The following RABGAP1L variants were observed in gnomAD, a reference collection of about 807,000 sequenced individuals.
The protein encoded by RABGAP1L is rab GTPase-activating protein 1-like.
In RABGAP1L, 63 loss-of-function variants were observed where a neutral mutation model predicts 137.7. The observed-to-expected ratio is 0.46, with a 90% CI of 0.37 to 0.56. The LOEUF (loss-of-function observed/expected upper bound fraction) is 0.56, where lower values mean the gene tolerates loss of function less well. Ranked by LOEUF, RABGAP1L falls within the 20% of genes least tolerant of loss-of-function variation. The probability of loss-of-function intolerance (pLI) is 0.00; values close to 1 mark genes in which losing one functional copy is unlikely to be tolerated. For synonymous variants in RABGAP1L, 431 were observed against 433.7 expected, an observed-to-expected ratio of 0.99 and a Z score of 0.08; for missense variants, 1,095 against 1,244.0, an observed-to-expected ratio of 0.88 and a Z score of 1.80.
intron 17 of RABGAP1L, among the ~76,000 whole-genome samples, chr1:174,738,279 T>G (rs1683117012): frequency 6.6e-6 from 1 of 152,162 alleles, no homozygotes; most frequent in Admixed American, 6.5e-5. Flanking sequence ...AGAAAGACAC[T>G]TCACTGGTTA....
At chr1:174,574,077 C>T (rs558741597) in intron 13 of RABGAP1L, among the ~76,000 whole-genome samples, 160 of 152,266 alleles carry the variant, frequency 1.1e-3, no homozygotes, top group Middle Eastern at 3.4e-3. Flanking sequence ...GCAGCCTTAT[C>T]GGGTCATTAC....
Position 174,620,943 on chromosome 1 carries a change from T to C in RABGAP1L, c.1711-16432T>C, listed in dbSNP as rs1010900098. On this transcript the variant is annotated intron_variant, in intron 13 of 25. Transcript: ENST00000681986. Reference sequence around the variant, plus strand: ...ATCAAATAGACGCAATAAAAAATGATAAAGGGGATATCACCACCGATCCCA... The same window carrying C: ...ATCAAATAGACGCAATAAAAAATGACAAAGGGGATATCACCACCGATCCCA... 1.7e-3 allele frequency among the ~76,000 whole-genome samples: 264 copies of C among 152,068 alleles called. 2 individuals carry two copies. Among genetic ancestry groups the C allele is most frequent in the Non-Finnish European group, 2.6e-3 (180 of 67,994 alleles).
Position 174,499,291 on chromosome 1 carries a change from T to C in RABGAP1L, c.1710+105146T>C, listed in dbSNP as rs564000586. On this transcript the variant is annotated intron_variant, in intron 13 of 25. Coordinates refer to ENST00000681986, the MANE Select transcript of RABGAP1L (RefSeq NM_001366446.1). ...TAAGTTATTTTATGTGGATTAATTT[T>C]AAAATTAATAGCATAGTAGAAAGAT... Among the ~76,000 whole-genome samples, 7 of 152,322 alleles carry C rather than the reference T, an allele frequency of 4.6e-5. No individual in the cohort carries two copies. The South Asian group carries it at 1.5e-3, about 32-fold the overall frequency.
chr1:174,296,116 C>T (rs1677107845), intron 10 of RABGAP1L, among the ~76,000 whole-genome samples: 1 of 152,044 alleles, frequency 6.6e-6, no homozygotes, highest in South Asian at 2.1e-4. Context: ...TCAGGAAAGG[C>T]AAGAGAGGAA....
chr1:174,360,449 T>C (rs1305070283), intron 11 of RABGAP1L, among the ~76,000 whole-genome samples: 2 of 152,194 alleles, frequency 1.3e-5, no homozygotes, highest in African/African-American at 4.8e-5. Context: ...ATCTGTATAG[T>C]CATAAAAGTT....
At chr1:174,988,571 T>C in intron 24 of RABGAP1L, 70 bp from the exon 25 acceptor site, 1 of 1,303,670 alleles carries the variant, frequency 7.7e-7, no homozygotes, top group Admixed American at 3.5e-5. Context: ...AAAAAAGTCA[T>C]AAATTGTTTC....
At chr1:174,505,107 A>G (rs1027641631) in intron 13 of RABGAP1L, among the ~76,000 whole-genome samples, 1 of 152,202 alleles carries the variant, frequency 6.6e-6, no homozygotes, top group African/African-American at 2.4e-5. Context: ...TATATAAAAA[A>G]ATGTTCAGTG....
At chr1:174,851,447 C>G (rs538311010) in intron 19 of RABGAP1L, among the ~76,000 whole-genome samples, 3 of 128,100 alleles carry the variant, frequency 2.3e-5, no homozygotes, top group African/African-American at 7.7e-5. Flanking sequence ...TTTTTTATAT[C>G]TGTCTCAGTC....
intron 15 of RABGAP1L, among the ~76,000 whole-genome samples, chr1:174,691,388 G>T (rs1209860239): frequency 6.6e-6 from 1 of 152,186 alleles, no homozygotes. Flanking sequence ...GTGGAGAGAA[G>T]TAGTGAGGGC....
intron 19 of RABGAP1L, among the ~76,000 whole-genome samples, chr1:174,830,088 G>A (rs1249836471): frequency 1.4e-5 from 2 of 147,944 alleles, no homozygotes; most frequent in East Asian, 2.1e-4. Flanking sequence ...CTTTCCCCAT[G>A]CTTACTCATG....
intron 1 of RABGAP1L, among the ~76,000 whole-genome samples, chr1:174,195,001 TA>T (rs1364526096): frequency 6.6e-6 from 1 of 152,050 alleles, no homozygotes; most frequent in African/African-American, 2.4e-5. Context: ...GTGTTTGTTT[TA>T]AAATTTTGGC....
intron 13 of RABGAP1L, among the ~76,000 whole-genome samples, chr1:174,423,733 C>T (rs542726032): frequency 2.0e-5 from 3 of 152,100 alleles, no homozygotes; most frequent in African/African-American, 4.8e-5. Context: ...CTTTTTTCCT[C>T]CCTTTCTTAT....
chr1:174,463,073 A>G (rs535713825), intron 13 of RABGAP1L, among the ~76,000 whole-genome samples: 2 of 152,190 alleles, frequency 1.3e-5, no homozygotes, highest in African/African-American at 2.4e-5. Context: ...GGGACTGTAA[A>G]CTAGTTCAAC....
chr1:174,646,585 C>T (rs1043179685), intron 14 of RABGAP1L, among the ~76,000 whole-genome samples: 1 of 152,086 alleles, frequency 6.6e-6, no homozygotes, highest in Non-Finnish European at 1.5e-5. Flanking sequence ...TGTTTTGATA[C>T]CAGTACCATG....
At chr1:174,558,968 G>A (rs1667046253) in intron 13 of RABGAP1L, among the ~76,000 whole-genome samples, 2 of 152,254 alleles carry the variant, frequency 1.3e-5, no homozygotes, top group South Asian at 4.1e-4. Flanking sequence ...TACCTATCTG[G>A]AAATAATCTG....
At chr1:174,877,374 C>T (rs1429779863) in intron 19 of RABGAP1L, 8 of 1,411,758 alleles carry the variant, frequency 5.7e-6, no homozygotes, top group Non-Finnish European at 7.6e-6. Context: ...TTTTGACACT[C>T]CACCCCCTCG....
chr1:174,610,259 T>C (rs1433661369), intron 13 of RABGAP1L, among the ~76,000 whole-genome samples: 2 of 140,104 alleles, frequency 1.4e-5, no homozygotes, highest in Admixed American at 1.5e-4. Flanking sequence ...CCTGTGTCCA[T>C]GTGTTCTCAT....
At chr1:174,525,595 A>G (rs944778972) in intron 13 of RABGAP1L, among the ~76,000 whole-genome samples, 1 of 152,082 alleles carries the variant, frequency 6.6e-6, no homozygotes, top group Non-Finnish European at 1.5e-5. Flanking sequence ...GAGAGGGACA[A>G]TTTGACTTCC....
chr1:174,928,865 G>A (rs950676314), intron 19 of RABGAP1L, among the ~76,000 whole-genome samples: 4 of 151,950 alleles, frequency 2.6e-5, no homozygotes, highest in Non-Finnish European at 5.9e-5. Context: ...TATCTCTCTG[G>A]CTGGCTGGGG....
Sources: gnomAD v4.1 joint callset for allele counts (sites outside exome capture counted in the v4.1 genomes callset) on GRCh38, gnomAD v4.1.1 for gene constraint, MANE v1.5 for transcripts, NCBI Gene and HGNC (gene_info 2026-07-23, HGNC 2026-07-21) for gene names.